Variants in PDIA6 observed in about 807,000 individuals in gnomAD.
The protein encoded by PDIA6 is protein disulfide-isomerase A6.
Under a neutral mutation model 58.4 loss-of-function variants are expected in PDIA6, and 29 were observed. The observed-to-expected ratio is 0.50, with a 90% confidence interval of 0.37 to 0.68. The LOEUF (loss-of-function observed/expected upper bound fraction) is 0.68, where lower values mean the gene tolerates loss of function less well. Among genes scored for constraint, PDIA6 ranks in the 30% least tolerant of loss-of-function variants. The pLI is 0.00. For missense variants in PDIA6, 480 were observed against 551.0 expected, an observed-to-expected ratio of 0.87 and a Z score of 1.29; for synonymous variants, 192 against 202.6, an observed-to-expected ratio of 0.95 and a Z score of 0.44.
At chr2:10,837,600 C>T in exon 1 of PDIA6, 1 of 953,290 alleles carries the variant, frequency 1.0e-6, no homozygotes, top group East Asian at 2.6e-5. Context: ...CTGTGATTAT[C>T]CTCATTTTGC....
In PDIA6 at chr2:10,796,946, CA is replaced by C. The variant is rs907615698; in HGVS notation, c.346+134del. ...AGAATGACTCGGAGGGTATAGGAAT[CA>C]CTGTGTACCATTTATAGATAATTCA... is the stretch of plus-strand genomic sequence containing the variant. On this transcript the variant is annotated intron_variant, in intron 4 of 12. Transcript: ENST00000272227. 10 of 738,956 alleles carry C rather than the reference CA, an allele frequency of 1.4e-5. No individual in the cohort carries two copies. The African/African-American group carries it at 1.8e-4, about 13-fold the overall frequency. The allele number at this position is 738,956 out of a possible 1,614,324, so 45.8% of individuals were successfully genotyped here. A position where few individuals can be genotyped will look rare whatever the true frequency, so the allele number is the denominator to read the frequency against.
chr2:10,784,379 A>G, intron 12 of PDIA6, 53 bp from the exon 13 acceptor site: 9 of 1,423,470 alleles, frequency 6.3e-6, no homozygotes, highest in Non-Finnish European at 8.8e-6. Context: ...ACACCCTGGA[A>G]GGTCAACATC....
upstream of PDIA6, among the ~76,000 whole-genome samples, chr2:10,817,509 G>A (rs1456878536): frequency 2.0e-5 from 3 of 152,348 alleles, no homozygotes; most frequent in Admixed American, 1.3e-4. Flanking sequence ...GCAGATTCTG[G>A]AAATTCCTCC....
At chr2:10,833,357 A>G (rs1667755616), upstream of PDIA6, among the ~76,000 whole-genome samples, 1 of 152,004 alleles carries the variant, frequency 6.6e-6, no homozygotes, top group East Asian at 1.9e-4. Flanking sequence ...GAATTTCCCG[A>G]TCAGCAGGCC....
chr2:10,796,422 T>TTGG (rs990840853), intron 4 of PDIA6, among the ~76,000 whole-genome samples: 1 of 151,256 alleles, frequency 6.6e-6, no homozygotes, highest in African/African-American at 2.4e-5. Context: ...CCCAGCTACT[T>TTGG]GGGAGGCTGA....
intron 4 of PDIA6, among the ~76,000 whole-genome samples, chr2:10,795,168 A>C (rs1396406491): frequency 6.6e-6 from 1 of 152,160 alleles, no homozygotes; most frequent in African/African-American, 2.4e-5. Context: ...GAAGTATACT[A>C]GGAAAAAAAC....
intron 1 of PDIA6, among the ~76,000 whole-genome samples, chr2:10,811,261 G>A (rs1666988002): frequency 6.6e-6 from 1 of 152,234 alleles, no homozygotes; most frequent in Admixed American, 6.5e-5. Context: ...TGGGCCAGGT[G>A]ACTGACACTT....
Position 10,786,539 on chromosome 2 carries a change from C to T in PDIA6, c.1157+742G>A, listed in dbSNP as rs374022437. 2.8e-5 allele frequency among the ~76,000 whole-genome samples: 4 copies of T among 143,154 alleles called. No individual in the cohort carries two copies. The East Asian group carries it at 7.8e-4, about 28-fold the overall frequency. 93.9% of individuals were successfully genotyped at this position (143,154 alleles called of 152,430 possible). ...CACACAGCACACACACACGTCTCCA[C>T]ACAGCACACAAACTTCTGTGTCAAG... On this transcript the variant is annotated intron_variant, in intron 11 of 12. Transcript: ENST00000272227.
chr2:10,791,997 C>G, intron 5 of PDIA6, 72 bp from the exon 6 acceptor site: 2 of 1,456,942 alleles, frequency 1.4e-6, no homozygotes. Context: ...AATAATAACA[C>G]TACTGCTACA....
At chr2:10,790,693 G>A (rs745646962) in intron 7 of PDIA6, 26 bp downstream of exon 7, 3 of 1,496,528 alleles carry the variant, frequency 2.0e-6, no homozygotes, top group South Asian at 1.1e-5. Context: ...ATTTCACAAT[G>A]AAATGAGCCT....
upstream of PDIA6, among the ~76,000 whole-genome samples, chr2:10,813,915 G>C (rs1161151862): frequency 6.6e-6 from 1 of 151,718 alleles, no homozygotes; most frequent in Non-Finnish European, 1.5e-5. Flanking sequence ...AGCAGAGACA[G>C]GGTTTCTCCA....
At chr2:10,825,633 A>G (rs1667533600) in intron 1 of PDIA6, among the ~76,000 whole-genome samples, 1 of 152,214 alleles carries the variant, frequency 6.6e-6, no homozygotes, top group Admixed American at 6.5e-5. Flanking sequence ...CAATAATAAG[A>G]AGACAAAAGA....
Position 10,788,680 on chromosome 2 carries a change from T to TA in PDIA6, c.998+16dup. On this transcript the variant is annotated intron_variant, in intron 10 of 12. Transcript: ENST00000272227. ...AGCTGTTCAGATGACACTCAGACAGTAAGCTCAGTAACTTACCCCCACATT... is the reference window on the plus strand; with the variant it reads ...AGCTGTTCAGATGACACTCAGACAGTAAAGCTCAGTAACTTACCCCCACATT... The TA allele has an allele frequency of 6.4e-7, 1 of 1,562,946 alleles. No homozygotes were observed. The highest frequency in any genetic ancestry group is 8.8e-7 in the Non-Finnish European group (1 of 1,133,286).
chr2:10,811,517 C>G (rs1359100907), intron 1 of PDIA6, among the ~76,000 whole-genome samples: 1 of 152,154 alleles, frequency 6.6e-6, no homozygotes, highest in African/African-American at 2.4e-5. Flanking sequence ...AAGACATGTA[C>G]TAACTCATTA....
At chr2:10,790,612 T>C in intron 7 of PDIA6, 107 bp downstream of exon 7, 1 of 739,562 alleles carries the variant, frequency 1.4e-6, no homozygotes, top group Non-Finnish European at 2.3e-6. Flanking sequence ...ACTTACAAAA[T>C]GGTTTAAACA....
At chr2:10,786,094 G>A (rs1403318583) in intron 11 of PDIA6, among the ~76,000 whole-genome samples, 3 of 152,064 alleles carry the variant, frequency 2.0e-5, no homozygotes, top group Admixed American at 1.3e-4. Flanking sequence ...AGGCTGAGGT[G>A]GGTGGATCAC....
chr2:10,829,919 C>T (rs1030138571), intron 1 of PDIA6, among the ~76,000 whole-genome samples: 2 of 152,182 alleles, frequency 1.3e-5, no homozygotes, highest in Admixed American at 6.5e-5. Flanking sequence ...CACATGCCTT[C>T]GCGAGGTGGC....
chr2:10,802,648 T>A lies in PDIA6; in HGVS notation c.20-8A>T. The A allele has an allele frequency of 7.0e-7, 1 of 1,427,664 alleles. No homozygotes were observed. The highest frequency in any genetic ancestry group is 9.2e-7 in the Non-Finnish European group (1 of 1,088,176). 88.4% of individuals were successfully genotyped at this position (1,427,664 alleles called of 1,614,324 possible). Reference sequence around the variant, plus strand: ...AGGTACAGCTCACCAGACCTGAAGATAAAAACAAAAGTGCACCATTAACAG... The same window carrying A: ...AGGTACAGCTCACCAGACCTGAAGAAAAAAACAAAAGTGCACCATTAACAG... On this transcript the variant is annotated splice_polypyrimidine_tract_variant and splice_region_variant and intron_variant, in intron 1 of 12. Transcript: ENST00000272227.
Position 10,783,825 on chromosome 2 carries a change from A to T in PDIA6, c.*433T>A, listed in dbSNP as rs1462179090. ...TGATTTACTGCTAAACATCACTCTGAATTTATGATGTGGATACTAACTTCA... is the reference window on the plus strand; with the variant it reads ...TGATTTACTGCTAAACATCACTCTGTATTTATGATGTGGATACTAACTTCA... On this transcript the variant is annotated 3_prime_UTR_variant, in exon 13 of 13. Coordinates refer to ENST00000272227, the MANE Select transcript of PDIA6 (RefSeq NM_005742.4). 1 of 157,768 alleles carries T rather than the reference A, an allele frequency of 6.3e-6. No individual in the cohort carries two copies. The highest frequency in any genetic ancestry group is 2.4e-5 in the African/African-American group (1 of 41,536). 9.8% of individuals were successfully genotyped at this position (157,768 alleles called of 1,614,324 possible).
Sources: gnomAD v4.1 joint callset for allele counts (sites outside exome capture counted in the v4.1 genomes callset) on GRCh38, gnomAD v4.1.1 for gene constraint, MANE v1.5 for transcripts, NCBI Gene and HGNC (gene_info 2026-07-23, HGNC 2026-07-21) for gene names.